CCDC91: variants seen among roughly 807,000 people sequenced by gnomAD.
CCDC91 encodes coiled-coil domain containing 91, also known as coiled-coil domain-containing protein 91.
A neutral mutation model predicts 63.2 loss-of-function variants in CCDC91; 48 were observed. The ratio of observed to expected loss-of-function variants is 0.76; its 90% confidence interval spans 0.60 to 0.97. The LOEUF (loss-of-function observed/expected upper bound fraction) is 0.97, where lower values mean the gene tolerates loss of function less well. CCDC91 is among the 50% of genes least tolerant of loss of function. The pLI, the probability that CCDC91 is intolerant of heterozygous loss-of-function variation, is 0.00. For missense variants in CCDC91, 500 were observed against 494.6 expected, an observed-to-expected ratio of 1.01 and a Z score of -0.10; for synonymous variants, 167 against 165.8, an observed-to-expected ratio of 1.01 and a Z score of -0.06.
intron 6 of CCDC91, among the ~76,000 whole-genome samples, chr12:28,311,111 A>G (rs1456731912): frequency 1.3e-5 from 2 of 151,990 alleles, no homozygotes; most frequent in African/African-American, 4.8e-5. Flanking sequence ...TGTCAGGTGC[A>G]AGTAAAATGA....
intron 6 of CCDC91, among the ~76,000 whole-genome samples, chr12:28,354,531 A>G (rs1165787959): frequency 6.6e-6 from 1 of 152,184 alleles, no homozygotes. Flanking sequence ...TCAACCCACT[A>G]CAAGTACCAC....
chr12:28,332,549 T>C (rs1941599342), intron 6 of CCDC91, among the ~76,000 whole-genome samples: 1 of 152,220 alleles, frequency 6.6e-6, no homozygotes, highest in Non-Finnish European at 1.5e-5. Flanking sequence ...AAAAAATATT[T>C]GATCAAACTA....
chr12:28,406,283 A>G (rs1419934671), intron 8 of CCDC91, among the ~76,000 whole-genome samples: 1 of 152,098 alleles, frequency 6.6e-6, no homozygotes, highest in Non-Finnish European at 1.5e-5. Flanking sequence ...CCAATAAAAA[A>G]AAAAAAAAAA....
intron 1 of CCDC91, among the ~76,000 whole-genome samples, chr12:28,222,766 T>C (rs1944030782): frequency 6.6e-6 from 1 of 152,178 alleles, no homozygotes; most frequent in Non-Finnish European, 1.5e-5. Flanking sequence ...ATCCTAGGGC[T>C]TTTCATCCTT....
At chr12:28,358,746 G>T (rs1943679288) in intron 6 of CCDC91, among the ~76,000 whole-genome samples, 1 of 152,098 alleles carries the variant, frequency 6.6e-6, no homozygotes. Context: ...TTATATAAGT[G>T]GTCAGGAAAA....
intron 6 of CCDC91, among the ~76,000 whole-genome samples, chr12:28,336,382 A>G (rs1490547524): frequency 2.6e-5 from 4 of 152,194 alleles, no homozygotes; most frequent in African/African-American, 9.6e-5. Context: ...AGTGCTCCTT[A>G]AGTCCTAATA....
intron 8 of CCDC91, among the ~76,000 whole-genome samples, chr12:28,433,526 T>C (rs921543696): frequency 6.6e-6 from 1 of 151,956 alleles, no homozygotes; most frequent in African/African-American, 2.4e-5. Context: ...GTTGACTATA[T>C]GCAGTTCTAT....
chr12:28,351,777 A>T lies in CCDC91; in HGVS notation c.577-10661A>T, dbSNP rs116563695. On this transcript the variant is annotated intron_variant, in intron 6 of 12. Transcript: ENST00000536442. Reference sequence around the variant, plus strand: ...CTCAGCAGTCTGACAGTCATTCTTCATTTCATTTATTTTTCCTGCATCCTA... The same window carrying T: ...CTCAGCAGTCTGACAGTCATTCTTCTTTTCATTTATTTTTCCTGCATCCTA... Among the ~76,000 whole-genome samples the T allele has an allele frequency of 3.5e-3, 531 of 151,108 alleles. 7 individuals carry two copies. The highest frequency in any genetic ancestry group is 0.012 in the African/African-American group (497 of 41,094).
intron 3 of CCDC91, among the ~76,000 whole-genome samples, chr12:28,275,723 G>A (rs1420314734): frequency 2.0e-5 from 3 of 151,942 alleles, no homozygotes; most frequent in Non-Finnish European, 4.4e-5. Flanking sequence ...AAATCCTCAA[G>A]AAAATACTGG....
At chr12:28,423,233 T>A (rs990447091) in intron 8 of CCDC91, among the ~76,000 whole-genome samples, 1 of 152,106 alleles carries the variant, frequency 6.6e-6, no homozygotes, top group Admixed American at 6.6e-5. Context: ...ATTCTTAACT[T>A]TCAAAAAGAA....
At chr12:28,190,716 C>G (rs1459771311) in intron 1 of CCDC91, 75 bp downstream of exon 1, 1 of 150,990 alleles carries the variant, frequency 6.6e-6, no homozygotes, top group Non-Finnish European at 1.5e-5. Context: ...AGCGCCCCAC[C>G]GGGGGAGGAG....
At chr12:28,522,147 G>A (rs1940751201) in intron 12 of CCDC91, among the ~76,000 whole-genome samples, 1 of 152,138 alleles carries the variant, frequency 6.6e-6, no homozygotes, top group Admixed American at 6.5e-5. Flanking sequence ...AGAAGGAATG[G>A]TACAAGCTCC....
At chr12:28,248,510 G>C (rs1945911681) in intron 1 of CCDC91, among the ~76,000 whole-genome samples, 1 of 152,214 alleles carries the variant, frequency 6.6e-6, no homozygotes, top group African/African-American at 2.4e-5. Flanking sequence ...CTGCAAGAGA[G>C]ATTGAGCTAA....
chr12:28,461,892 T>C (rs1950326474), intron 11 of CCDC91, among the ~76,000 whole-genome samples: 1 of 152,058 alleles, frequency 6.6e-6, no homozygotes, highest in African/African-American at 2.4e-5. Context: ...ACTATTATTA[T>C]TACCATGTTA....
At chr12:28,336,082 C>CT (rs1481394165) in intron 6 of CCDC91, among the ~76,000 whole-genome samples, 1 of 151,482 alleles carries the variant, frequency 6.6e-6, no homozygotes, top group Non-Finnish European at 1.5e-5. Flanking sequence ...CCTTAATCCC[C>CT]TTCCCAAAGA....
chr12:28,199,803 A>G (rs916217848), intron 1 of CCDC91, among the ~76,000 whole-genome samples: 13 of 152,250 alleles, frequency 8.5e-5, no homozygotes, highest in African/African-American at 2.9e-4. Flanking sequence ...GTGAGAAATC[A>G]GATAGGAAAT....
intron 12 of CCDC91, among the ~76,000 whole-genome samples, chr12:28,491,187 T>A (rs1439704885): frequency 6.6e-6 from 1 of 151,696 alleles, no homozygotes; most frequent in African/African-American, 2.4e-5. Flanking sequence ...TCTCTTTTTA[T>A]GTAATGATTC....
intron 12 of CCDC91, among the ~76,000 whole-genome samples, chr12:28,527,554 T>C (rs987278665): frequency 1.3e-5 from 2 of 152,156 alleles, no homozygotes; most frequent in African/African-American, 4.8e-5. Context: ...GGTTGATTAG[T>C]GTGCTATTTT....
chr12:28,209,171 A>C (rs1943061584), intron 1 of CCDC91, among the ~76,000 whole-genome samples: 1 of 152,196 alleles, frequency 6.6e-6, no homozygotes, highest in Non-Finnish European at 1.5e-5. Flanking sequence ...CCCTTGCATT[A>C]GTCTACTATT....
Sources: gnomAD v4.1 joint callset for allele counts (sites outside exome capture counted in the v4.1 genomes callset) on GRCh38, gnomAD v4.1.1 for gene constraint, MANE v1.5 for transcripts, NCBI Gene and HGNC (gene_info 2026-07-23, HGNC 2026-07-21) for gene names.